Variants in EGFLAM observed in about 807,000 individuals in gnomAD.
EGFLAM encodes the protein EGF like, fibronectin type III and laminin G domains, also known as pikachurin.
A neutral mutation model predicts 113.1 loss-of-function variants in EGFLAM; 79 were observed. The ratio of observed to expected loss-of-function variants is 0.70; its 90% CI spans 0.58 to 0.84. The LOEUF (loss-of-function observed/expected upper bound fraction) is 0.84, where lower values mean the gene tolerates loss of function less well. EGFLAM is among the 40% of genes least tolerant of loss of function. The pLI is 0.00. For missense variants in EGFLAM, 1,265 were observed against 1,291.6 expected (o/e 0.98, Z 0.32); for synonymous variants, 504 against 487.6 (o/e 1.03, Z -0.44).
At position 38,372,306 on chromosome 5, in the gene EGFLAM, C is replaced by A. The variant is rs563162205; in HGVS notation, c.712+1844C>A. 2.0e-5 allele frequency among the ~76,000 whole-genome samples: 3 copies of A among 152,232 alleles called. No homozygotes were observed. The East Asian group carries it at 5.8e-4, about 30-fold the overall frequency. On this transcript the variant is annotated intron_variant, in intron 6 of 21. Transcript: ENST00000322350. ...TGCAGGTGCCCACCACCATGCCTGG[C>A]TAATTTTTGTATTTTTAGTAGAGAC...
At chr5:38,420,495 T>A (rs1344062017) in intron 12 of EGFLAM, among the ~76,000 whole-genome samples, 1 of 152,130 alleles carries the variant, frequency 6.6e-6, no homozygotes, top group Admixed American at 6.5e-5. Flanking sequence ...TTTGAAAAAT[T>A]TTTGCAACTC....
intron 14 of EGFLAM, 37 bp from the exon 15 acceptor site, chr5:38,431,140 C>T (rs769987845): frequency 1.3e-5 from 20 of 1,583,288 alleles, no homozygotes; most frequent in Admixed American, 8.4e-5. Flanking sequence ...CTAATCAACT[C>T]GATACATAAA....
At chr5:38,320,872 G>C (rs1738720674) in intron 1 of EGFLAM, among the ~76,000 whole-genome samples, 1 of 152,048 alleles carries the variant, frequency 6.6e-6, no homozygotes, top group Non-Finnish European at 1.5e-5. Flanking sequence ...CATGGGCCTG[G>C]AGCATGACCA....
chr5:38,386,760 C>T (rs1740673609), intron 6 of EGFLAM, among the ~76,000 whole-genome samples: 2 of 152,202 alleles, frequency 1.3e-5, no homozygotes, highest in Admixed American at 1.3e-4. Context: ...CCGCCTCGGC[C>T]TCTCAAAGGT....
At chr5:38,351,148 A>G (rs1451882133) in intron 4 of EGFLAM, among the ~76,000 whole-genome samples, 1 of 144,192 alleles carries the variant, frequency 6.9e-6, no homozygotes, top group Non-Finnish European at 1.5e-5. Context: ...TCACTCTGTC[A>G]CCCAGGCTGG....
rs566481424 is a variant in EGFLAM at position 38,420,678 on chromosome 5, T to A, written c.1684+2423T>A. ...AACCCTCCCATCAAATCAGCTATAA[T>A]CTGTTTCTTCAGGGGAACAGCCCTG... On this transcript the variant is annotated intron_variant, in intron 12 of 21. Coordinates refer to ENST00000322350, the MANE Select transcript of EGFLAM (RefSeq NM_152403.4). 7.9e-4 allele frequency among the ~76,000 whole-genome samples: 121 copies of A among 152,330 alleles called. 3 individuals are homozygous for A. The South Asian group carries it at 0.012, about 15-fold the overall frequency.
intron 6 of EGFLAM, among the ~76,000 whole-genome samples, chr5:38,380,299 G>A (rs145865532): frequency 6.6e-6 from 1 of 152,166 alleles, no homozygotes; most frequent in Non-Finnish European, 1.5e-5. Context: ...AGCTTTTAAG[G>A]AATCAATTAG....
intron 17 of EGFLAM, among the ~76,000 whole-genome samples, chr5:38,443,844 C>T (rs1236138253): frequency 1.3e-5 from 2 of 150,806 alleles, no homozygotes; most frequent in African/African-American, 4.9e-5. Context: ...GATCTTGGCT[C>T]ACTGCAGCCT....
intron 3 of EGFLAM, among the ~76,000 whole-genome samples, chr5:38,344,121 A>T (rs1379515062): frequency 6.6e-6 from 1 of 152,266 alleles, no homozygotes. Flanking sequence ...AAGGTCTGAA[A>T]TCAGAGTCAG....
intron 1 of EGFLAM, among the ~76,000 whole-genome samples, chr5:38,336,424 A>T (rs1446898002): frequency 6.6e-6 from 1 of 152,088 alleles, no homozygotes; most frequent in African/African-American, 2.4e-5. Context: ...AATACAAAAG[A>T]TTAGCCGGGC....
chr5:38,456,831 G>A (rs1430942270), intron 19 of EGFLAM, among the ~76,000 whole-genome samples: 3 of 152,234 alleles, frequency 2.0e-5, no homozygotes, highest in Admixed American at 2.0e-4. Context: ...TGAGGAGGGA[G>A]TCATCCCAGG....
chr5:38,366,322 G>A (rs901561509), intron 5 of EGFLAM, among the ~76,000 whole-genome samples: 5 of 152,156 alleles, frequency 3.3e-5, no homozygotes, highest in Non-Finnish European at 5.9e-5. Context: ...GCTATTTTGC[G>A]CTGGCTTCCT....
intron 6 of EGFLAM, among the ~76,000 whole-genome samples, chr5:38,397,998 T>C (rs10512683): frequency 0.031 from 4,722 of 152,250 alleles, 230 homozygotes; most frequent in African/African-American, 0.097. Context: ...GTTCAGTCAT[T>C]TTTTTGGCCA....
intron 1 of EGFLAM, among the ~76,000 whole-genome samples, chr5:38,313,953 C>A (rs1223714861): frequency 6.6e-6 from 1 of 152,108 alleles, no homozygotes; most frequent in East Asian, 1.9e-4. Flanking sequence ...TGCATTTTAA[C>A]TTTGGTTGTT....
At chr5:38,358,233 C>G (rs1451441039) in intron 5 of EGFLAM, among the ~76,000 whole-genome samples, 4 of 151,526 alleles carry the variant, frequency 2.6e-5, no homozygotes, top group Admixed American at 2.6e-4. Flanking sequence ...ATCACGAGGT[C>G]AGGAGATCAA....
chr5:38,318,070 T>C (rs537981668), intron 1 of EGFLAM, among the ~76,000 whole-genome samples: 1 of 152,240 alleles, frequency 6.6e-6, no homozygotes, highest in South Asian at 2.1e-4. Context: ...CTGTTATTGA[T>C]TTTCAGGACT....
intron 12 of EGFLAM, among the ~76,000 whole-genome samples, chr5:38,421,010 C>T (rs1342741440): frequency 2.0e-5 from 3 of 152,212 alleles, no homozygotes; most frequent in Non-Finnish European, 4.4e-5. Flanking sequence ...TATCCTTCCT[C>T]AGCTTCCATG....
intron 12 of EGFLAM, 58 bp downstream of exon 12, chr5:38,418,313 G>A (rs1741720477): frequency 7.6e-6 from 12 of 1,578,364 alleles, no homozygotes; most frequent in South Asian, 1.2e-5. Flanking sequence ...TTATGGGACT[G>A]CCTTTCTGGC....
At chr5:38,306,589 T>C (rs899685833) in intron 1 of EGFLAM, among the ~76,000 whole-genome samples, 1 of 152,250 alleles carries the variant, frequency 6.6e-6, no homozygotes, top group Non-Finnish European at 1.5e-5. Flanking sequence ...CCCTAATTTA[T>C]TGTATTTATA....
Sources: gnomAD v4.1 joint callset for allele counts (sites outside exome capture counted in the v4.1 genomes callset) on GRCh38, gnomAD v4.1.1 for gene constraint, MANE v1.5 for transcripts, NCBI Gene and HGNC (gene_info 2026-07-23, HGNC 2026-07-21) for gene names.